The following KPNA3 variants were observed in gnomAD, a reference collection of about 807,000 sequenced individuals.
KPNA3 encodes importin subunit alpha-4.
KPNA3 carries 13 observed loss-of-function variants against 73.8 expected under a neutral mutation model. That is an observed-to-expected ratio of 0.18 (90% CI 0.11 to 0.28). The LOEUF is 0.28. KPNA3 is among the 10% of genes least tolerant of loss of function. The pLI, the probability that KPNA3 is intolerant of heterozygous loss-of-function variation, is 1.00. For missense variants in KPNA3, 360 were observed against 618.1 expected, an observed-to-expected ratio of 0.58 and a Z score of 4.43; for synonymous variants, 186 against 206.9, an observed-to-expected ratio of 0.90 and a Z score of 0.87.
intron 2 of KPNA3, among the ~76,000 whole-genome samples, chr13:49,740,659 C>T (rs1954565586): frequency 6.6e-6 from 1 of 152,172 alleles, no homozygotes; most frequent in South Asian, 2.1e-4. Flanking sequence ...AAACCTCTTT[C>T]TTTTGTAAAT....
At chr13:49,720,483 G>GT (rs1449049946) in intron 9 of KPNA3, among the ~76,000 whole-genome samples, 1 of 152,198 alleles carries the variant, frequency 6.6e-6, no homozygotes, top group Non-Finnish European at 1.5e-5. Context: ...TTGGCCAAGT[G>GT]TGGTGGCTCA....
chr13:49,740,460 T>C (rs1176165467), intron 2 of KPNA3, among the ~76,000 whole-genome samples: 2 of 151,562 alleles, frequency 1.3e-5, no homozygotes, highest in Non-Finnish European at 2.9e-5. Context: ...CCGTGGGAGG[T>C]GATTAAATTA....
chr13:49,722,458 T>C lies in KPNA3; in HGVS notation c.556+19A>G. On this transcript the variant is annotated intron_variant, in intron 8 of 16. Transcript: ENST00000261667. ...AAGTTAATTTAGATTCTTAAGAGGATTCCTTTCAAACCACTTACCTATAAT... is the reference window on the plus strand; with the variant it reads ...AAGTTAATTTAGATTCTTAAGAGGACTCCTTTCAAACCACTTACCTATAAT... 1.3e-6 allele frequency: 2 copies of C among 1,526,656 alleles called. No homozygotes were observed. Among genetic ancestry groups the C allele is most frequent in the African/African-American group, 1.4e-5 (1 of 72,828 alleles). 94.6% of individuals were successfully genotyped at this position (1,526,656 alleles called of 1,614,324 possible).
chr13:49,748,799 T>C (rs1186096223), intron 1 of KPNA3, among the ~76,000 whole-genome samples: 1 of 152,162 alleles, frequency 6.6e-6, no homozygotes, highest in Non-Finnish European at 1.5e-5. Flanking sequence ...TTTAATTCTA[T>C]ATTTAGTATG....
At chr13:49,775,992 C>CA (rs1256476234) in intron 1 of KPNA3, among the ~76,000 whole-genome samples, 3 of 152,144 alleles carry the variant, frequency 2.0e-5, no homozygotes, top group Admixed American at 6.6e-5. Context: ...ACAGGATACA[C>CA]AAAAATGTTT....
At chr13:49,756,750 TAAAAC>T (rs1169009154) in intron 1 of KPNA3, among the ~76,000 whole-genome samples, 2 of 152,148 alleles carry the variant, frequency 1.3e-5, no homozygotes, top group East Asian at 3.8e-4. Context: ...GTAGAATAGT[TAAAAC>T]AATTCTGAAA....
intron 2 of KPNA3, among the ~76,000 whole-genome samples, chr13:49,741,417 A>G (rs1954572647): frequency 6.7e-6 from 1 of 150,216 alleles, no homozygotes; most frequent in African/African-American, 2.4e-5. Flanking sequence ...CCTATTAGCC[A>G]GTTCTATGTT....
intron 1 of KPNA3, among the ~76,000 whole-genome samples, chr13:49,753,507 G>A (rs13313256): frequency 0.12 from 18,159 of 152,182 alleles, 2,182 homozygotes; most frequent in East Asian, 0.58. Context: ...AATAACTGGA[G>A]AGACACTGAT....
chr13:49,785,517 A>G (rs1364851900), intron 1 of KPNA3, among the ~76,000 whole-genome samples: 1 of 152,228 alleles, frequency 6.6e-6, no homozygotes, highest in Non-Finnish European at 1.5e-5. Flanking sequence ...GCTCATGTGA[A>G]TAATTTCCAG....
intron 15 of KPNA3, among the ~76,000 whole-genome samples, chr13:49,703,416 G>A (rs760070798): frequency 3.3e-5 from 5 of 151,782 alleles, no homozygotes; most frequent in African/African-American, 7.2e-5. Context: ...TCCTGACCTC[G>A]TGATTCGCCC....
intron 1 of KPNA3, among the ~76,000 whole-genome samples, chr13:49,786,790 G>A (rs1370437014): frequency 6.6e-6 from 1 of 152,170 alleles, no homozygotes; most frequent in East Asian, 1.9e-4. Flanking sequence ...GGCATGCTAA[G>A]GACTTTTATC....
intron 10 of KPNA3, among the ~76,000 whole-genome samples, chr13:49,712,715 T>C (rs1312780277): frequency 6.6e-6 from 1 of 151,960 alleles, no homozygotes; most frequent in Admixed American, 6.6e-5. Flanking sequence ...TCATGCATCA[T>C]TGCACAGGTA....
intron 1 of KPNA3, among the ~76,000 whole-genome samples, chr13:49,791,092 TG>T (rs1804227215): frequency 6.6e-6 from 1 of 152,244 alleles, no homozygotes; most frequent in Admixed American, 6.5e-5. Context: ...CTCATTTAAA[TG>T]GGAATTCCAC....
At chr13:49,788,201 G>A (rs1955000854) in intron 1 of KPNA3, among the ~76,000 whole-genome samples, 2 of 152,258 alleles carry the variant, frequency 1.3e-5, no homozygotes, top group South Asian at 4.2e-4. Context: ...AAATGTTAAG[G>A]TTTTTAAAAT....
intron 2 of KPNA3, among the ~76,000 whole-genome samples, chr13:49,737,594 TGTGTGTGTGTGTGTGTG>T: frequency 6.9e-6 from 1 of 144,036 alleles, no homozygotes; most frequent in Non-Finnish European, 1.5e-5. Context: ...TGTGTGTGTG[TGTGTGTGTGTGTGTGTG>T]TAAGAGCCAG....
chr13:49,767,247 T>C (rs1954816120), intron 1 of KPNA3, among the ~76,000 whole-genome samples: 2 of 151,468 alleles, frequency 1.3e-5, no homozygotes, highest in Admixed American at 6.6e-5. Context: ...TGAAACCCCG[T>C]CTCTACTAAA....
chr13:49,712,816 A>G (rs900295128), intron 10 of KPNA3, among the ~76,000 whole-genome samples: 15 of 152,070 alleles, frequency 9.9e-5, no homozygotes, highest in South Asian at 6.2e-4. Context: ...GGTAACCACT[A>G]GAACAAAAAT....
At chr13:49,773,363 A>G in intron 1 of KPNA3, among the ~76,000 whole-genome samples, 1 of 152,326 alleles carries the variant, frequency 6.6e-6, no homozygotes, top group Non-Finnish European at 1.5e-5. Context: ...TAATTTTTTA[A>G]TGTTAATTAT....
At chr13:49,786,658 G>A (rs993477690) in intron 1 of KPNA3, among the ~76,000 whole-genome samples, 1 of 152,100 alleles carries the variant, frequency 6.6e-6, no homozygotes, top group African/African-American at 2.4e-5. Context: ...CATATACAAA[G>A]GCATGAAGAA....
Sources: allele counts gnomAD v4.1 joint callset (sites outside exome capture counted in the v4.1 genomes callset), GRCh38; gene constraint gnomAD v4.1.1; transcripts MANE v1.5; gene names NCBI Gene and HGNC (gene_info 2026-07-23, HGNC 2026-07-21).